Variants in WDR45B observed in about 807,000 individuals in gnomAD.
WDR45B encodes WD repeat domain phosphoinositide-interacting protein 3.
In WDR45B, 20 loss-of-function variants were observed where a neutral mutation model predicts 44.6. The ratio of observed to expected loss-of-function variants is 0.45; its 90% CI spans 0.32 to 0.65. The LOEUF is 0.65. Among genes scored for constraint, WDR45B ranks in the 30% least tolerant of loss-of-function variants. WDR45B has a pLI of 0.05. For synonymous variants in WDR45B, 169 were observed against 164.9 expected (o/e 1.02, Z -0.19); for missense variants, 323 against 430.2 (o/e 0.75, Z 2.20).
At chr17:82,641,098 T>C (rs967087878) in intron 2 of WDR45B, among the ~76,000 whole-genome samples, 2 of 151,250 alleles carry the variant, frequency 1.3e-5, no homozygotes, top group South Asian at 2.1e-4. Context: ...CCCCAGTAAT[T>C]TGAATTACAG....
intron 3 of WDR45B, among the ~76,000 whole-genome samples, chr17:82,628,713 A>C (rs2045730059): frequency 6.6e-6 from 1 of 151,902 alleles, no homozygotes; most frequent in African/African-American, 2.4e-5. Context: ...ACACACAAAA[A>C]ACACAGCTGG....
Position 82,615,838 on chromosome 17 carries a change from A to C in WDR45B, c.*81T>G. 7.4e-7 allele frequency: 1 copy of C among 1,358,974 alleles called. No homozygotes were observed. Among genetic ancestry groups the C allele is most frequent in the Non-Finnish European group, 1.1e-6 (1 of 951,596 alleles). The allele number at this position is 1,358,974 out of a possible 1,614,324, so 84.2% of individuals were successfully genotyped here. A position where few individuals can be genotyped will look rare whatever the true frequency, so the allele number is the denominator to read the frequency against. ...GGGCAGCCCCTCCAGCCCGTGGCCC[A>C]GGAGGCCCCTGGGGCACTGGCACCA... On this transcript the variant is annotated 3_prime_UTR_variant, in exon 10 of 10. Coordinates refer to ENST00000392325, the MANE Select transcript of WDR45B (RefSeq NM_019613.4).
Position 82,621,683 on chromosome 17 carries a change from G to GA in WDR45B, c.543dup (p.Pro182SerfsTer33). 1.2e-6 allele frequency: 2 copies of GA among 1,614,198 alleles called. No homozygotes were observed. The highest frequency in any genetic ancestry group is 1.7e-6 in the Non-Finnish European group (2 of 1,180,030). On this transcript the variant is annotated frameshift_variant, in exon 6 of 10. Transcript: ENST00000392325. LOFTEE classifies it high-confidence loss of function. ...CAGCTCAGGACACCCTCGTGTGCAG[G>GA]AATGTCCACGGGTGGCTTCTCCGTG... is the stretch of plus-strand genomic sequence containing the variant.
At chr17:82,639,241 G>C (rs1457415932) in intron 2 of WDR45B, among the ~76,000 whole-genome samples, 2 of 151,880 alleles carry the variant, frequency 1.3e-5, no homozygotes, top group African/African-American at 4.9e-5. Flanking sequence ...ATTCAGATTG[G>C]TCTCGGCATT....
At chr17:82,623,562 T>G (rs1446444607) in intron 5 of WDR45B, among the ~76,000 whole-genome samples, 2 of 151,336 alleles carry the variant, frequency 1.3e-5, no homozygotes, top group African/African-American at 4.8e-5. Flanking sequence ...TAGCCAGGCA[T>G]GGTGGTGTGC....
rs543804370 is a variant in WDR45B, at chr17:82,639,175, C to T, written c.142+4774G>A. 1.1e-3 allele frequency among the ~76,000 whole-genome samples: 163 copies of T among 152,102 alleles called. 3 individuals are homozygous for T. Among genetic ancestry groups the T allele is most frequent in the Admixed American group, 3.1e-3 (48 of 15,298 alleles). On this transcript the variant is annotated intron_variant, in intron 2 of 9. Coordinates refer to ENST00000392325, the MANE Select transcript of WDR45B (RefSeq NM_019613.4). Reference sequence around the variant, plus strand: ...TTTTGTTCCTATAACACCATCTATGCTATTCTCTACTTTCTTTTTCCTTTA... The same window carrying T: ...TTTTGTTCCTATAACACCATCTATGTTATTCTCTACTTTCTTTTTCCTTTA...
chr17:82,643,808 C>T (rs1206720129), intron 2 of WDR45B, 141 bp downstream of exon 2: 1 of 811,182 alleles, frequency 1.2e-6, no homozygotes, highest in Non-Finnish European at 2.1e-6. Context: ...GAGGACAGCT[C>T]CCTCCAAGTT....
intron 4 of WDR45B, 175 bp downstream of exon 4, chr17:82,627,029 C>T: frequency 1.5e-6 from 1 of 682,448 alleles, no homozygotes. Flanking sequence ...ACACAATTCG[C>T]TGCCTTTCTT....
chr17:82,621,538 A>C, intron 6 of WDR45B, 71 bp downstream of exon 6: 1 of 1,602,686 alleles, frequency 6.2e-7, no homozygotes, highest in South Asian at 1.1e-5. Context: ...GTCTTGATAC[A>C]GGGAATGGCC....
chr17:82,640,438 A>C (rs564202759), intron 2 of WDR45B, among the ~76,000 whole-genome samples: 33 of 147,964 alleles, frequency 2.2e-4, no homozygotes, highest in African/African-American at 8.2e-4. Flanking sequence ...GCAACCTCCG[A>C]CTCCCTGGTT....
Position 82,631,989 on chromosome 17 carries a change from G to A in WDR45B, c.143-967C>T, listed in dbSNP as rs1435245272. Among the ~76,000 whole-genome samples the A allele has an allele frequency of 2.6e-5, 4 of 151,938 alleles. No homozygotes were observed. In the East Asian group the frequency reaches 7.8e-4, roughly 29 times the overall value. Reference sequence around the variant, plus strand: ...CCCAGCCACTCAGGAGCTGAGGCAGGAGAATCACTTGAACCCCGGAGGCTG... The same window carrying A: ...CCCAGCCACTCAGGAGCTGAGGCAGAAGAATCACTTGAACCCCGGAGGCTG... On this transcript the variant is annotated intron_variant, in intron 2 of 9. Transcript: ENST00000392325.
intron 9 of WDR45B, 80 bp from the exon 10 acceptor site, chr17:82,616,105 CAAAGG>C: frequency 7.6e-7 from 1 of 1,313,314 alleles, no homozygotes; most frequent in Non-Finnish European, 1.1e-6. Flanking sequence ...AGCTGAACTG[CAAAGG>C]GCCTCTTGGA....
intron 3 of WDR45B, among the ~76,000 whole-genome samples, chr17:82,628,956 C>T (rs189131666): frequency 1.3e-5 from 2 of 151,390 alleles, no homozygotes; most frequent in African/African-American, 4.9e-5. Context: ...GCCAGGACTG[C>T]GCAACTGCAT....
chr17:82,633,529 T>C (rs2045795683), intron 2 of WDR45B, among the ~76,000 whole-genome samples: 1 of 152,166 alleles, frequency 6.6e-6, no homozygotes. Context: ...TGACTAATTT[T>C]TTTTCTTTTT....
chr17:82,638,941 G>A (rs974202570), intron 2 of WDR45B, among the ~76,000 whole-genome samples: 2 of 151,862 alleles, frequency 1.3e-5, no homozygotes, highest in African/African-American at 4.9e-5. Flanking sequence ...TCCTGCCTCA[G>A]CCTTCCAAGT....
intron 7 of WDR45B, 54 bp downstream of exon 7, chr17:82,618,989 C>A (rs2045576758): frequency 6.4e-7 from 1 of 1,573,494 alleles, no homozygotes; most frequent in South Asian, 1.1e-5. Context: ...CAAAGGCCCA[C>A]TTCCGTGCTG....
chr17:82,634,136 G>C (rs1399737914), intron 2 of WDR45B, among the ~76,000 whole-genome samples: 1 of 89,382 alleles, frequency 1.1e-5, no homozygotes, highest in African/African-American at 4.5e-5. Context: ...GGGTGACACA[G>C]TGAGACTCCA....
Position 82,615,769 on chromosome 17 carries a change from T to C in WDR45B, c.*150A>G, listed in dbSNP as rs1598255098. The C allele has an allele frequency of 4.2e-6, 3 of 714,506 alleles. No individual in the cohort carries two copies. The highest frequency in any genetic ancestry group is 7.5e-6 in the Non-Finnish European group (3 of 401,956). 44.3% of individuals were successfully genotyped at this position (714,506 alleles called of 1,614,324 possible). ...CTTTAATACTGGAAATGGGAGTCCTTAGGAAAGCAGACAACCACGTATGGC... is the reference window on the plus strand; with the variant it reads ...CTTTAATACTGGAAATGGGAGTCCTCAGGAAAGCAGACAACCACGTATGGC... On this transcript the variant is annotated 3_prime_UTR_variant, in exon 10 of 10. Transcript: ENST00000392325.
chr17:82,647,009 A>G (rs1048256042), intron 1 of WDR45B, among the ~76,000 whole-genome samples: 2 of 152,274 alleles, frequency 1.3e-5, no homozygotes, highest in East Asian at 3.9e-4. Flanking sequence ...AGGCGGGTGG[A>G]TCACCTGAGG....
Sources: gnomAD v4.1 joint callset for allele counts (sites outside exome capture counted in the v4.1 genomes callset) on GRCh38, gnomAD v4.1.1 for gene constraint, MANE v1.5 for transcripts, NCBI Gene and HGNC (gene_info 2026-07-23, HGNC 2026-07-21) for gene names.